Variants in SGCD observed in about 807,000 individuals in gnomAD.
SGCD encodes the protein delta-sarcoglycan.
A neutral mutation model predicts 36.6 loss-of-function variants in SGCD; 18 were observed. The observed-to-expected ratio is 0.49, with a 90% CI of 0.34 to 0.73. The LOEUF is 0.73. Ranked by LOEUF, SGCD falls within the 30% of genes least tolerant of loss-of-function variation. The pLI is 0.01. For synonymous variants in SGCD, 133 were observed against 130.6 expected (o/e 1.02, Z -0.12); for missense variants, 387 against 346.7 (o/e 1.12, Z -0.92).
intron 1 of SGCD, among the ~76,000 whole-genome samples, chr5:155,881,192 T>C (rs968461496): frequency 9.9e-5 from 15 of 152,088 alleles, no homozygotes; most frequent in African/African-American, 3.1e-4. Flanking sequence ...CTGTAATCAA[T>C]TGAGCTTTTA....
intron 3 of SGCD, among the ~76,000 whole-genome samples, chr5:156,146,012 G>A (rs1051260316): frequency 4.6e-5 from 7 of 152,162 alleles, no homozygotes; most frequent in African/African-American, 4.8e-5. Flanking sequence ...AGGAGATCGA[G>A]ACCATCCTGG....
chr5:156,073,305 C>T (rs1760645932), intron 1 of SGCD, among the ~76,000 whole-genome samples: 1 of 152,218 alleles, frequency 6.6e-6, no homozygotes, highest in Non-Finnish European at 1.5e-5. Flanking sequence ...TACCTGTAAT[C>T]CTAGCACTTT....
At chr5:156,147,711 T>A (rs1027746438) in intron 3 of SGCD, among the ~76,000 whole-genome samples, 1 of 152,182 alleles carries the variant, frequency 6.6e-6, no homozygotes, top group Non-Finnish European at 1.5e-5. Context: ...AGAGAAAAAC[T>A]TAAATCTCCT....
intron 3 of SGCD, among the ~76,000 whole-genome samples, chr5:156,275,847 C>A (rs559715294): frequency 6.6e-6 from 1 of 152,118 alleles, no homozygotes; most frequent in South Asian, 2.1e-4. Context: ...TGAAATGGAC[C>A]CTCACAACAT....
At chr5:155,795,556 T>C in the SGCD span, among the ~76,000 whole-genome samples, 1 of 152,172 alleles carries the variant, frequency 6.6e-6, no homozygotes, top group African/African-American at 2.4e-5. Context: ...GAAAAAATAA[T>C]AGAAAACATT....
At chr5:156,259,978 A>G (rs997944399) in intron 3 of SGCD, among the ~76,000 whole-genome samples, 1 of 152,190 alleles carries the variant, frequency 6.6e-6, no homozygotes, top group Non-Finnish European at 1.5e-5. Context: ...ATTCATTTCT[A>G]TATACTCTCA....
At chr5:156,718,653 A>T (rs75317960) in intron 7 of SGCD, among the ~76,000 whole-genome samples, 14,070 of 151,738 alleles carry the variant, frequency 0.093, 1,298 homozygotes, top group African/African-American at 0.24. Context: ...TATAGGGATA[A>T]TAGTAGTATC....
rs372766075 is a variant in SGCD, at chr5:156,107,107, G to A, written c.-281-10771G>A. Among the ~76,000 whole-genome samples, 4 of 152,108 alleles carry A rather than the reference G, an allele frequency of 2.6e-5. No homozygotes were observed. In the South Asian group the frequency reaches 8.3e-4, roughly 32 times the overall value. On this transcript the variant is annotated intron_variant, in intron 1 of 9. Coordinates refer to the SGCD transcript ENST00000517913. ...TACAGTCACTCTATTTTTCTGCCTA[G>A]CATTATTTTTCTGCTTTTCACAGTA...
At position 156,475,596 on chromosome 5, in the gene SGCD, T is replaced by C. The variant is rs554566163; in HGVS notation, c.193-33005T>C. Among the ~76,000 whole-genome samples, 116 of 152,306 alleles carry C rather than the reference T, an allele frequency of 7.6e-4. 1 individual carries two copies. Among genetic ancestry groups the C allele is most frequent in the Non-Finnish European group, 1.2e-4 (8 of 68,034 alleles). ...AAAAGATAGGAAGGAGGAGACAAGA[T>C]ACTTTGTAATTCCTATTTTCTCCCC... On this transcript the variant is annotated intron_variant, in intron 3 of 8. Transcript: ENST00000337851.
rs139925628 is a variant in SGCD at position 156,567,915 on chromosome 5, T to C, written c.295-21316T>C. ...TCAACAACAGTGGCTAACATGATAT[T>C]GAGAGTGTGCTTTCTGCTAGGCACA... On this transcript the variant is annotated intron_variant, in intron 4 of 8. Coordinates refer to ENST00000337851, the MANE Select transcript of SGCD (RefSeq NM_000337.6). Among the ~76,000 whole-genome samples the C allele has an allele frequency of 1.5e-3, 231 of 152,358 alleles. 1 individual carries two copies. The highest frequency in any genetic ancestry group is 0.01 in the Middle Eastern group (3 of 294).
chr5:156,284,570 ACC>A (rs1766543758), intron 3 of SGCD, among the ~76,000 whole-genome samples: 4 of 152,142 alleles, frequency 2.6e-5, no homozygotes, highest in Non-Finnish European at 4.4e-5. Context: ...AACGACAAAA[ACC>A]ATATCATTAT....
At chr5:155,767,335 C>T in the SGCD span, among the ~76,000 whole-genome samples, 4 of 152,186 alleles carry the variant, frequency 2.6e-5, no homozygotes, top group Admixed American at 2.0e-4. Context: ...TCTGCTCATA[C>T]AAATAGAGAA....
intron 7 of SGCD, among the ~76,000 whole-genome samples, chr5:156,648,555 A>C (rs1287624595): frequency 1.3e-5 from 2 of 152,144 alleles, no homozygotes; most frequent in Non-Finnish European, 2.9e-5. Flanking sequence ...ATAAGTCTGG[A>C]TGGCTGTAAG....
rs570774440 is a variant in SGCD, at chr5:156,215,911, A to G, written c.-44+91892A>G. ...CATGGTCATTGTAGTATTATTCACAACAGCCTGACAGGAAATCAAACAAAG... is the reference window on the plus strand; with the variant it reads ...CATGGTCATTGTAGTATTATTCACAGCAGCCTGACAGGAAATCAAACAAAG... On this transcript the variant is annotated intron_variant, in intron 3 of 9. Transcript: ENST00000517913. Among the ~76,000 whole-genome samples the G allele has an allele frequency of 5.3e-5, 8 of 152,346 alleles. No homozygotes were observed. In the East Asian group the frequency reaches 7.7e-4, roughly 15 times the overall value.
At chr5:156,721,441 G>A (rs1225937863) in intron 7 of SGCD, among the ~76,000 whole-genome samples, 1 of 152,108 alleles carries the variant, frequency 6.6e-6, no homozygotes, top group East Asian at 1.9e-4. Flanking sequence ...AACAATGAAT[G>A]GTGTCACATG....
chr5:156,038,447 G>A (rs1050383951), intron 1 of SGCD, among the ~76,000 whole-genome samples: 3 of 152,138 alleles, frequency 2.0e-5, no homozygotes, highest in Admixed American at 6.6e-5. Flanking sequence ...TTATGCCAAT[G>A]TTAATTTCTC....
chr5:156,029,187 A>T (rs1425140064), intron 1 of SGCD, among the ~76,000 whole-genome samples: 2 of 152,244 alleles, frequency 1.3e-5, no homozygotes, highest in Non-Finnish European at 2.9e-5. Context: ...AATATGAAAC[A>T]GATATAAGCA....
intron 3 of SGCD, among the ~76,000 whole-genome samples, chr5:156,299,944 T>C (rs1331038372): frequency 6.6e-6 from 1 of 152,096 alleles, no homozygotes; most frequent in Non-Finnish European, 1.5e-5. Context: ...GTCTGGTTGC[T>C]CTAGCTAGGA....
intron 3 of SGCD, among the ~76,000 whole-genome samples, chr5:156,148,419 A>C (rs1200575106): frequency 6.6e-6 from 1 of 152,134 alleles, no homozygotes; most frequent in South Asian, 2.1e-4. Flanking sequence ...GCTGTTTGGC[A>C]TCTATTTATT....
Sources: allele counts gnomAD v4.1 joint callset (sites outside exome capture counted in the v4.1 genomes callset), GRCh38; gene constraint gnomAD v4.1.1; transcripts MANE v1.5; gene names NCBI Gene and HGNC (gene_info 2026-07-23, HGNC 2026-07-21).